RASA1: variants seen among roughly 807,000 people sequenced by gnomAD.
RASA1 encodes RAS p21 protein activator 1.
RASA1 carries 25 observed loss-of-function variants against 132.2 expected under a neutral mutation model. The ratio of observed to expected loss-of-function variants is 0.19; its 90% CI spans 0.14 to 0.26. The LOEUF (loss-of-function observed/expected upper bound fraction) is 0.26. RASA1 is among the 10% of genes least tolerant of loss of function. The pLI is 1.00. For missense variants in RASA1, 964 were observed against 1,299.2 expected (o/e 0.74, Z 3.97); for synonymous variants, 477 against 449.9 (o/e 1.06, Z -0.76).
At chr5:87,336,533 AG>A (rs1301477900) in intron 4 of RASA1, among the ~76,000 whole-genome samples, 4 of 151,992 alleles carry the variant, frequency 2.6e-5, no homozygotes, top group Non-Finnish European at 5.9e-5. Flanking sequence ...AGCCTGTTTT[AG>A]GGGGGATAAC....
chr5:87,302,493 G>A (rs554311891), intron 1 of RASA1, among the ~76,000 whole-genome samples: 26 of 149,068 alleles, frequency 1.7e-4, no homozygotes, highest in Admixed American at 6.7e-4. Flanking sequence ...CTTCAATTTC[G>A]CACTGTTGTT....
At chr5:87,347,140 G>T (rs1047365226) in intron 7 of RASA1, among the ~76,000 whole-genome samples, 2 of 151,806 alleles carry the variant, frequency 1.3e-5, no homozygotes, top group Admixed American at 1.3e-4. Context: ...CTCTTTTATG[G>T]ATTTAAACTT....
At chr5:87,386,941 C>G (rs1281768092) in intron 23 of RASA1, 38 bp downstream of exon 23, 2 of 1,515,338 alleles carry the variant, frequency 1.3e-6, no homozygotes, top group African/African-American at 2.7e-5. Flanking sequence ...TTTAAGACTT[C>G]TAGTTGATAT....
At chr5:87,389,602 C>G in intron 24 of RASA1, 75 bp downstream of exon 24, 1 of 1,555,702 alleles carries the variant, frequency 6.4e-7, no homozygotes, top group Non-Finnish European at 8.8e-7. Flanking sequence ...TAGCTGAATT[C>G]TGGTTAACAT....
In RASA1 at chr5:87,362,557, G is replaced by A. The variant is rs2112456388; in HGVS notation, c.1339G>A (p.Glu447Lys). 1 of 1,590,196 alleles carries A rather than the reference G, an allele frequency of 6.3e-7. No homozygotes were observed. The part of the protein sequence containing the change: ...LKEPVPMQDQ[E>K]QVLNDTVDGK... ...AATGTTTTTTAAAATTCAGGATCAA[G>A]AACAAGTACTCAATGACACAGTGGA... Residue 447 changes from glutamate (E) to lysine (K), a missense_variant, in exon 10 of 25, where the codon GAA becomes AAA. Glu to Lys is a moderately conservative substitution (Grantham distance 56). Coordinates refer to ENST00000274376, the MANE Select transcript of RASA1 (RefSeq NM_002890.3).
chr5:87,271,449 CTTCTTTTT>C (rs1241094824), intron 1 of RASA1, among the ~76,000 whole-genome samples: 27 of 67,494 alleles, frequency 4.0e-4, no homozygotes, highest in African/African-American at 7.8e-4. Flanking sequence ...TTTTAGTAGA[CTTCTTTTT>C]TTTTTTTTTT....
At chr5:87,308,659 T>C (rs1755733221) in intron 1 of RASA1, among the ~76,000 whole-genome samples, 1 of 152,224 alleles carries the variant, frequency 6.6e-6, no homozygotes, top group Non-Finnish European at 1.5e-5. Flanking sequence ...AGTATACGTT[T>C]ACCTATGTGT....
chr5:87,290,623 A>T (rs538329112), intron 1 of RASA1, among the ~76,000 whole-genome samples: 2 of 152,158 alleles, frequency 1.3e-5, no homozygotes, highest in Non-Finnish European at 2.9e-5. Context: ...TTGCCTAAAA[A>T]TCCTGTTTAT....
chr5:87,334,829 T>C (rs950041265), intron 4 of RASA1, among the ~76,000 whole-genome samples: 2 of 152,176 alleles, frequency 1.3e-5, no homozygotes, highest in African/African-American at 4.8e-5. Flanking sequence ...ACTTCTGCTG[T>C]GTACCAGGGA....
chr5:87,329,079 C>T (rs945035816), intron 1 of RASA1, among the ~76,000 whole-genome samples: 4 of 151,738 alleles, frequency 2.6e-5, no homozygotes, highest in Non-Finnish European at 4.4e-5. Flanking sequence ...GAAATAGTTA[C>T]TTATTTAGAT....
chr5:87,293,227 G>A (rs1026916015), intron 1 of RASA1, among the ~76,000 whole-genome samples: 2 of 151,540 alleles, frequency 1.3e-5, no homozygotes, highest in Admixed American at 6.6e-5. Flanking sequence ...TAAGTATGGT[G>A]TTAGCTGTAG....
chr5:87,307,040 AC>A (rs1477037049), intron 1 of RASA1, among the ~76,000 whole-genome samples: 1 of 151,176 alleles, frequency 6.6e-6, no homozygotes, highest in Non-Finnish European at 1.5e-5. Context: ...GTTTTAGAAA[AC>A]CTTTTTTGTA....
At chr5:87,353,109 T>C in intron 8 of RASA1, 48 bp from the exon 9 acceptor site, 6 of 1,437,338 alleles carry the variant, frequency 4.2e-6, no homozygotes, top group Middle Eastern at 1.9e-4. Flanking sequence ...TTTAAAGATT[T>C]TGCAGTTTTA....
intron 1 of RASA1, among the ~76,000 whole-genome samples, chr5:87,301,876 A>G (rs1489135825): frequency 1.3e-5 from 2 of 152,034 alleles, no homozygotes; most frequent in East Asian, 1.9e-4. Context: ...ATGTGACACT[A>G]TTTCACTCAT....
Position 87,390,224 on chromosome 5 carries a change from T to C in RASA1, c.3061-576T>C, listed in dbSNP as rs147080957. Among the ~76,000 whole-genome samples, 406 of 152,316 alleles carry C rather than the reference T, an allele frequency of 2.7e-3. 5 individuals are homozygous for C. The highest frequency in any genetic ancestry group is 8.3e-3 in the East Asian group (43 of 5,182). On this transcript the variant is annotated intron_variant, in intron 24 of 24. Transcript: ENST00000274376. Reference sequence around the variant, plus strand: ...GAGTTACACTTTGAATGTCCTCAGCTGACATAAGGGCTACTGAGAGGAAGT... The same window carrying C: ...GAGTTACACTTTGAATGTCCTCAGCCGACATAAGGGCTACTGAGAGGAAGT...
At chr5:87,348,516 C>T (rs914364655) in intron 7 of RASA1, among the ~76,000 whole-genome samples, 1 of 151,858 alleles carries the variant, frequency 6.6e-6, no homozygotes, top group Non-Finnish European at 1.5e-5. Context: ...CAGGAGCATA[C>T]CTATTGAATA....
At chr5:87,338,168 A>G (rs1258821133) in intron 5 of RASA1, 77 bp downstream of exon 5, 1 of 1,591,288 alleles carries the variant, frequency 6.3e-7, no homozygotes, top group African/African-American at 1.4e-5. Flanking sequence ...AATCAGAGAA[A>G]GTAGCTATGA....
chr5:87,347,035 A>C (rs1402585542), intron 7 of RASA1, among the ~76,000 whole-genome samples: 2 of 151,910 alleles, frequency 1.3e-5, no homozygotes, highest in Non-Finnish European at 2.9e-5. Context: ...TCTCACCCCT[A>C]CACATACACA....
chr5:87,297,138 G>A (rs114116658), intron 1 of RASA1, among the ~76,000 whole-genome samples: 2 of 151,760 alleles, frequency 1.3e-5, no homozygotes, highest in Non-Finnish European at 1.5e-5. Context: ...TAGAATTTCC[G>A]TTTCTCTGCT....
Sources: allele counts gnomAD v4.1 joint callset (sites outside exome capture counted in the v4.1 genomes callset), GRCh38; gene constraint gnomAD v4.1.1; transcripts MANE v1.5; gene names NCBI Gene and HGNC (gene_info 2026-07-23, HGNC 2026-07-21).